Variants in ZCCHC14 observed in about 807,000 individuals in gnomAD.
ZCCHC14 encodes zinc finger CCHC domain-containing protein 14.
In ZCCHC14, 16 loss-of-function variants were observed where a neutral mutation model predicts 85.0. That is an observed-to-expected ratio of 0.19 (90% confidence interval 0.13 to 0.29). The LOEUF is 0.29. Ranked by LOEUF, ZCCHC14 falls within the 10% of genes least tolerant of loss-of-function variation. ZCCHC14 has a pLI of 1.00. For synonymous variants in ZCCHC14, 775 were observed against 630.7 expected (o/e 1.23, Z -3.43); for missense variants, 1,303 against 1,443.5 (o/e 0.90, Z 1.58).
rs542188999 is a variant in ZCCHC14, at chr16:87,484,560, T to C, written c.570+7109A>G. Among the ~76,000 whole-genome samples the C allele has an allele frequency of 2.0e-5, 3 of 152,344 alleles. No homozygotes were observed. The East Asian group carries it at 5.8e-4, about 29-fold the overall frequency. On this transcript the variant is annotated intron_variant, in intron 1 of 12. Coordinates refer to ENST00000671377, the MANE Select transcript of ZCCHC14 (RefSeq NM_015144.3). ...TCCTACGTGTATCTAAGCGTGTATA[T>C]GGTGTCTTGAAAGAACATGTGAACA...
intron 2 of ZCCHC14, among the ~76,000 whole-genome samples, chr16:87,447,422 G>C (rs1910495568): frequency 6.6e-6 from 1 of 152,156 alleles, no homozygotes; most frequent in African/African-American, 2.4e-5. Context: ...CTTGAATCAA[G>C]ACGCAGTGCT....
Position 87,413,169 on chromosome 16 carries a change from G to A in ZCCHC14, c.1630C>T (p.His544Tyr). The change falls in exon 11 of 13, where the codon CAT (histidine) becomes TAT (tyrosine). Residue 544 changes from histidine to tyrosine, a missense_variant. Transcript: ENST00000671377. ...CTGCCTTCCCGGGGCAGCTGGTGAT[G>A]GGGCTGCTCCACTTCCACCCGCAGC... ...AELRVEVEQP[H>Y]HQLPREGSSS... 1 of 1,592,112 alleles carries A rather than the reference G, an allele frequency of 6.3e-7. No homozygotes were observed. Among genetic ancestry groups the A allele is most frequent in the Non-Finnish European group, 8.5e-7 (1 of 1,169,808 alleles).
Position 87,420,696 on chromosome 16 carries a change from T to C in ZCCHC14, c.861A>G (p.Glu287=). The C allele has an allele frequency of 6.2e-7, 1 of 1,613,386 alleles. No homozygotes were observed. Among genetic ancestry groups the C allele is most frequent in the Non-Finnish European group, 8.5e-7 (1 of 1,179,682 alleles). The stretch of plus-strand genomic sequence containing the variant: ...AAGGAATGAGTTTCTCCAAGTTCTC[T>C]TCAGGATAGAGCTGACATAGCTGGA... The part of the protein sequence containing the change: ...FISKLCQLYP[E]ENLEKLIPCL... The change falls in exon 5 of 13, where the codon GAA becomes GAG. Residue 287 remains glutamate, a synonymous_variant. Coordinates refer to ENST00000671377, the MANE Select transcript of ZCCHC14 (RefSeq NM_015144.3). This position sits in a 1 kb window ranked among gnomAD's most constrained non-coding sequence, Gnocchi z 5.0.
chr16:87,465,483 C>T (rs934706986), intron 1 of ZCCHC14, among the ~76,000 whole-genome samples: 5 of 152,216 alleles, frequency 3.3e-5, no homozygotes, highest in East Asian at 1.9e-4. Context: ...CTGGTAGTCA[C>T]GGGGCACACC....
intron 1 of ZCCHC14, among the ~76,000 whole-genome samples, chr16:87,469,339 G>GA (rs1724983134): frequency 6.6e-6 from 1 of 152,210 alleles, no homozygotes; most frequent in Admixed American, 6.5e-5. Flanking sequence ...AAGAAAAACT[G>GA]AATGTCAGTT....
At position 87,492,947 on chromosome 16, in the gene ZCCHC14, A is replaced by G. The variant is rs1341530320; in HGVS notation, c.-709T>C. Among the ~76,000 whole-genome samples, 1 of 149,590 alleles carries G rather than the reference A, an allele frequency of 6.7e-6. No individual in the cohort carries two copies. The highest frequency in any genetic ancestry group is 1.5e-5 in the Non-Finnish European group (1 of 67,560). ...GACGGCGACGGCGACGGCGACGGCG[A>G]CGGCGGAGGAGGCGCCGGCCGAGGA... On this transcript the variant is annotated 5_prime_UTR_variant, in exon 1 of 13. Transcript: ENST00000671377. This position sits in a 1 kb window ranked among gnomAD's most constrained non-coding sequence, Gnocchi z 6.7.
chr16:87,416,308 A>G (rs957944968), intron 8 of ZCCHC14, among the ~76,000 whole-genome samples: 1 of 152,174 alleles, frequency 6.6e-6, no homozygotes, highest in African/African-American at 2.4e-5. Flanking sequence ...TGGCTACTCC[A>G]TTGTGTAGGC....
intron 1 of ZCCHC14, among the ~76,000 whole-genome samples, chr16:87,463,691 CG>C (rs1297991621): frequency 1.3e-5 from 2 of 152,108 alleles, no homozygotes; most frequent in Non-Finnish European, 2.9e-5. Context: ...GGTGTGGTGG[CG>C]GGCACCTGTA....
At chr16:87,473,646 T>C (rs1252456385) in intron 1 of ZCCHC14, 2 of 152,222 alleles carry the variant, frequency 1.3e-5, no homozygotes, top group Admixed American at 6.5e-5. Context: ...TGCGTTATCA[T>C]GACCATTTTG....
intron 1 of ZCCHC14, among the ~76,000 whole-genome samples, chr16:87,463,398 T>G (rs1204118529): frequency 6.6e-6 from 1 of 152,122 alleles, no homozygotes; most frequent in Non-Finnish European, 1.5e-5. Flanking sequence ...AAAAGAAATA[T>G]AACCACAGCA....
At chr16:87,464,948 G>T (rs1911451310) in intron 1 of ZCCHC14, among the ~76,000 whole-genome samples, 1 of 152,166 alleles carries the variant, frequency 6.6e-6, no homozygotes, top group East Asian at 1.9e-4. Flanking sequence ...TTCTGCTACT[G>T]CTAGGAAGGC....
rs72806250 is a variant in ZCCHC14 at position 87,406,841 on chromosome 16, T to C, written c.*3439A>G. 6.7e-3 allele frequency: 1,017 copies of C among 152,384 alleles called. 9 individuals carry two copies. The highest frequency in any genetic ancestry group is 0.014 in the Middle Eastern group (4 of 294). 9.4% of individuals were successfully genotyped at this position (152,384 alleles called of 1,614,324 possible). ...AGAACCCATGGCTTTCAGTGCCACCTGACTCATTCTTTGGAAGTCACCTGC... is the reference window on the plus strand; with the variant it reads ...AGAACCCATGGCTTTCAGTGCCACCCGACTCATTCTTTGGAAGTCACCTGC... On this transcript the variant is annotated 3_prime_UTR_variant, in exon 13 of 13. Coordinates refer to ENST00000671377, the MANE Select transcript of ZCCHC14 (RefSeq NM_015144.3).
chr16:87,433,228 A>G (rs1255990730), intron 2 of ZCCHC14, 27 bp from the exon 3 acceptor site: 2 of 1,600,842 alleles, frequency 1.2e-6, no homozygotes, highest in South Asian at 1.1e-5. Context: ...AAAAACAAAA[A>G]TGAAATAAGA....
chr16:87,491,465 A>C lies in ZCCHC14; in HGVS notation c.570+204T>G, dbSNP rs886443610. Among the ~76,000 whole-genome samples, 3 of 151,750 alleles carry C rather than the reference A, an allele frequency of 2.0e-5. No individual in the cohort carries two copies. Among genetic ancestry groups the C allele is most frequent in the Non-Finnish European group, 4.4e-5 (3 of 67,922 alleles). On this transcript the variant is annotated intron_variant, in intron 1 of 12. Transcript: ENST00000671377. The surrounding 1 kb of genome is among the most constrained non-coding windows in gnomAD (Gnocchi z 5.9). ...GTGGAGGCTTGGAGAGGTGGGGCAC[A>C]CATTTGGGGTGCGACATAGAGGCTT...
At chr16:87,458,822 C>T (rs1317814416) in intron 2 of ZCCHC14, among the ~76,000 whole-genome samples, 1 of 152,190 alleles carries the variant, frequency 6.6e-6, no homozygotes, top group Admixed American at 6.5e-5. Context: ...TAGAGGCCAG[C>T]AGATGCGGAC....
chr16:87,487,391 G>T (rs1244586177), intron 1 of ZCCHC14, among the ~76,000 whole-genome samples: 2 of 152,214 alleles, frequency 1.3e-5, no homozygotes, highest in Non-Finnish European at 2.9e-5. Flanking sequence ...CACAGCTGCA[G>T]CTCAGGCGGG....
At chr16:87,478,340 T>G (rs1178426941) in intron 1 of ZCCHC14, among the ~76,000 whole-genome samples, 1 of 152,230 alleles carries the variant, frequency 6.6e-6, no homozygotes, top group South Asian at 2.1e-4. Context: ...AATGAAGTTT[T>G]AGAATAGGCG....
At chr16:87,427,180 G>A (rs141762320) in intron 3 of ZCCHC14, among the ~76,000 whole-genome samples, 219 of 152,318 alleles carry the variant, frequency 1.4e-3, no homozygotes, top group African/African-American at 5.1e-3. Flanking sequence ...GCTCTGCCAC[G>A]GGTCACCTTC....
chr16:87,457,319 C>T (rs1911023877), intron 2 of ZCCHC14, among the ~76,000 whole-genome samples: 1 of 152,232 alleles, frequency 6.6e-6, no homozygotes. Context: ...CTTTCTTTTC[C>T]TCTGCTATTT....
Sources: allele counts gnomAD v4.1 joint callset (sites outside exome capture counted in the v4.1 genomes callset), GRCh38; gene constraint gnomAD v4.1.1; non-coding constraint Gnocchi (gnomAD v3.1); transcripts MANE v1.5; gene names NCBI Gene and HGNC (gene_info 2026-07-23, HGNC 2026-07-21).